The following NECTIN3 variants were observed in gnomAD, a reference collection of about 807,000 sequenced individuals.
The protein encoded by NECTIN3 is nectin-3.
Under a neutral mutation model 49.4 loss-of-function variants are expected in NECTIN3, and 8 were observed. That is an observed-to-expected ratio of 0.16 (90% CI 0.10 to 0.29). The LOEUF (loss-of-function observed/expected upper bound fraction) is 0.29. Ranked by LOEUF, NECTIN3 falls within the 10% of genes least tolerant of loss-of-function variation. NECTIN3 has a pLI of 1.00. For synonymous variants in NECTIN3, 277 were observed against 241.1 expected, an observed-to-expected ratio of 1.15 and a Z score of -1.38; for missense variants, 581 against 654.6, an observed-to-expected ratio of 0.89 and a Z score of 1.23.
rs372028487 is a variant in NECTIN3 at position 111,182,174 on chromosome 3, T to G, written c.1222-10177T>G. ...TTTTAATTATTTATTTTTCGTTAAT[T>G]TTTTTATGGTTAGAAAATATATCTG... On this transcript the variant is annotated intron_variant, in intron 7 of 8. Transcript: ENST00000493615. Among the ~76,000 whole-genome samples the G allele has an allele frequency of 6.6e-5, 10 of 152,238 alleles. No homozygotes were observed. In the East Asian group the frequency reaches 1.5e-3, roughly 23 times the overall value.
intron 7 of NECTIN3, among the ~76,000 whole-genome samples, chr3:111,181,222 G>A (rs1405510349): frequency 6.6e-6 from 1 of 152,122 alleles, no homozygotes; most frequent in Non-Finnish European, 1.5e-5. Flanking sequence ...TGGAATCCCA[G>A]TGTGCTCTTT....
chr3:111,189,464 A>T (rs998206101), upstream of NECTIN3, among the ~76,000 whole-genome samples: 1 of 151,898 alleles, frequency 6.6e-6, no homozygotes, highest in Non-Finnish European at 1.5e-5. Context: ...ATACCACTTT[A>T]AAAAAAATGG....
At chr3:111,080,790 T>A (rs1194996715) in intron 1 of NECTIN3, among the ~76,000 whole-genome samples, 1 of 152,168 alleles carries the variant, frequency 6.6e-6, no homozygotes, top group Non-Finnish European at 1.5e-5. Context: ...TGAGGCATGT[T>A]GGCCCTCTAA....
chr3:111,182,517 A>G (rs997996431), intron 7 of NECTIN3, among the ~76,000 whole-genome samples: 1 of 152,124 alleles, frequency 6.6e-6, no homozygotes, highest in African/African-American at 2.4e-5. Context: ...TTGGATATGT[A>G]CACATGTAGG....
intron 1 of NECTIN3, among the ~76,000 whole-genome samples, chr3:111,085,311 A>G (rs1024029571): frequency 6.6e-6 from 1 of 152,198 alleles, no homozygotes; most frequent in African/African-American, 2.4e-5. Flanking sequence ...GTAAGCTGTG[A>G]GATTTTAGGC....
At chr3:111,162,194 C>T (rs2035227352) in intron 7 of NECTIN3, among the ~76,000 whole-genome samples, 1 of 152,068 alleles carries the variant, frequency 6.6e-6, no homozygotes, top group Admixed American at 6.5e-5. Context: ...GAAAATTAAA[C>T]ACTGCCTTTA....
At chr3:111,093,009 GCTTTACA>G (rs1475787837) in intron 1 of NECTIN3, among the ~76,000 whole-genome samples, 1 of 152,080 alleles carries the variant, frequency 6.6e-6, no homozygotes, top group African/African-American at 2.4e-5. Context: ...TTCAGTGTAA[GCTTTACA>G]CTTCATTGTT....
rs1484010853 is a variant in NECTIN3 at position 111,126,392 on chromosome 3, G to C, written c.1069+57G>C. 3.7e-5 allele frequency: 51 copies of C among 1,375,002 alleles called. No homozygotes were observed. In the South Asian group the frequency reaches 6.2e-4, roughly 17 times the overall value. 85.2% of individuals were successfully genotyped at this position (1,375,002 alleles called of 1,614,324 possible). On this transcript the variant is annotated intron_variant, in intron 5 of 5. Coordinates refer to ENST00000485303, the MANE Select transcript of NECTIN3 (RefSeq NM_015480.3). ...TTTAAAATATTTCTGAATAATCATA[G>C]TAACAATATGATCCTAAGCAATAAT...
chr3:111,083,796 A>T (rs1321725498), intron 1 of NECTIN3, among the ~76,000 whole-genome samples: 1 of 152,164 alleles, frequency 6.6e-6, no homozygotes, highest in Non-Finnish European at 1.5e-5. Context: ...CATAGCTAAG[A>T]TACTATATTG....
chr3:111,168,148 T>C (rs779189167), intron 7 of NECTIN3, among the ~76,000 whole-genome samples: 33 of 152,150 alleles, frequency 2.2e-4, no homozygotes, highest in Non-Finnish European at 3.8e-4. Context: ...GTAGTAACCT[T>C]GGATGAACAG....
At chr3:111,110,560 A>G (rs571420074) in intron 1 of NECTIN3, among the ~76,000 whole-genome samples, 48 of 152,050 alleles carry the variant, frequency 3.2e-4, no homozygotes, top group Non-Finnish European at 5.9e-4. Context: ...TCATGAGACT[A>G]CTTTTTTATT....
intron 7 of NECTIN3, among the ~76,000 whole-genome samples, chr3:111,181,973 T>A (rs896924914): frequency 2.6e-5 from 4 of 152,120 alleles, no homozygotes; most frequent in African/African-American, 9.6e-5. Flanking sequence ...TCTTTTCTAA[T>A]ACAAGCATTT....
chr3:111,106,138 G>A (rs1245200692), intron 1 of NECTIN3, among the ~76,000 whole-genome samples: 1 of 152,042 alleles, frequency 6.6e-6, no homozygotes, highest in Non-Finnish European at 1.5e-5. Flanking sequence ...ATGTTAGAAT[G>A]CACTATGGAT....
chr3:111,082,785 A>AT (rs1402803506), intron 1 of NECTIN3, among the ~76,000 whole-genome samples: 1 of 152,220 alleles, frequency 6.6e-6, no homozygotes, highest in Non-Finnish European at 1.5e-5. Flanking sequence ...TAATGAAATA[A>AT]TTATACAATT....
chr3:111,184,756 C>T (rs1270707007), intron 7 of NECTIN3, among the ~76,000 whole-genome samples: 1 of 152,000 alleles, frequency 6.6e-6, no homozygotes, highest in East Asian at 1.9e-4. Flanking sequence ...GAATTTTGTT[C>T]TTATTTCTTA....
chr3:111,162,558 G>C (rs543477990), intron 7 of NECTIN3, among the ~76,000 whole-genome samples: 1 of 152,066 alleles, frequency 6.6e-6, no homozygotes, highest in Non-Finnish European at 1.5e-5. Flanking sequence ...TATAAATTAC[G>C]CAGTCTCAGG....
chr3:111,158,447 T>G (rs918962561), intron 7 of NECTIN3, among the ~76,000 whole-genome samples: 4 of 152,206 alleles, frequency 2.6e-5, no homozygotes, highest in African/African-American at 7.2e-5. Flanking sequence ...GGCATGTAAA[T>G]GTATTTGTTT....
chr3:111,175,162 G>T (rs1559819064), intron 7 of NECTIN3, among the ~76,000 whole-genome samples: 1 of 151,602 alleles, frequency 6.6e-6, no homozygotes, highest in African/African-American at 2.4e-5. Flanking sequence ...CTATTTCTCT[G>T]TCACATTGTT....
Position 111,117,190 on chromosome 3 carries a change from A to G in NECTIN3, c.503-1466A>G, listed in dbSNP as rs114336601. 2.5e-3 allele frequency among the ~76,000 whole-genome samples: 381 copies of G among 152,268 alleles called. 1 individual carries two copies. The highest frequency in any genetic ancestry group is 6.4e-3 in the Admixed American group (98 of 15,294). On this transcript the variant is annotated intron_variant, in intron 2 of 5. Coordinates refer to ENST00000485303, the MANE Select transcript of NECTIN3 (RefSeq NM_015480.3). ...CAATAAGCTAAAGCTAAATGTTCCA[A>G]TATGAATGAATCTCCAGAACACAAA... is the stretch of plus-strand genomic sequence containing the variant.
Sources: gnomAD v4.1 joint callset for allele counts (sites outside exome capture counted in the v4.1 genomes callset) on GRCh38, gnomAD v4.1.1 for gene constraint, MANE v1.5 for transcripts, NCBI Gene and HGNC (gene_info 2026-07-23, HGNC 2026-07-21) for gene names.